The following SNED1 variants were observed in gnomAD, a reference collection of about 807,000 sequenced individuals.
SNED1 encodes the protein sushi, nidogen and EGF like domains 1.
In SNED1, 81 loss-of-function variants were observed where a neutral mutation model predicts 166.7. That is an observed-to-expected ratio of 0.49 (90% CI 0.41 to 0.58). SNED1 has a LOEUF of 0.58. Ranked by LOEUF, SNED1 falls within the 20% of genes least tolerant of loss-of-function variation. The probability of loss-of-function intolerance (pLI) is 0.00; values close to 1 mark genes in which losing one functional copy is unlikely to be tolerated. For synonymous variants in SNED1, 762 were observed against 822.0 expected (o/e 0.93, Z 1.25); for missense variants, 1,604 against 2,000.2 (o/e 0.80, Z 3.78).
chr2:241,018,246 C>T lies in SNED1; in HGVS notation c.214-12038C>T, dbSNP rs543112532. Among the ~76,000 whole-genome samples the T allele has an allele frequency of 5.3e-5, 8 of 152,326 alleles. No homozygotes were observed. The South Asian group carries it at 8.3e-4, about 16-fold the overall frequency. ...ACGTAACCCACAGGCGCTCAGATGA[C>T]GGGGAAGCTATGAATTCAAGTCAGC... On this transcript the variant is annotated intron_variant, in intron 1 of 31. Transcript: ENST00000310397. This position sits in a 1 kb window ranked among gnomAD's most constrained non-coding sequence, Gnocchi z 5.4.
chr2:241,071,457 T>C (rs2062711214), intron 24 of SNED1, 119 bp from the exon 25 acceptor site: 1 of 1,217,380 alleles, frequency 8.2e-7, no homozygotes. Context: ...CCCACGCACA[T>C]GCCCCCCTTC....
rs1247055344 is a variant in SNED1 at position 240,999,800 on chromosome 2, C to T, written c.213+750C>T. ...ACCCCAGGCCAAGCCCTTATGGCAG[C>T]CCAGGGAATGAAATGCACCTGGTAA... On this transcript the variant is annotated intron_variant, in intron 1 of 31. Coordinates refer to ENST00000310397, the MANE Select transcript of SNED1 (RefSeq NM_001080437.3). The surrounding 1 kb of genome is among the most constrained non-coding windows in gnomAD (Gnocchi z 5.8). 6.6e-6 allele frequency among the ~76,000 whole-genome samples: 1 copy of T among 152,158 alleles called. No individual in the cohort carries two copies. The highest frequency in any genetic ancestry group is 1.5e-5 in the Non-Finnish European group (1 of 68,012).
intron 1 of SNED1, among the ~76,000 whole-genome samples, chr2:241,028,900 A>C (rs1001274398): frequency 2.6e-5 from 4 of 151,896 alleles, no homozygotes; most frequent in Non-Finnish European, 5.9e-5. Flanking sequence ...GTGCCCGATT[A>C]TTTTTGGCTG....
intron 29 of SNED1, among the ~76,000 whole-genome samples, chr2:241,083,767 T>G (rs185120450): frequency 2.3e-4 from 35 of 152,314 alleles, no homozygotes; most frequent in Admixed American, 2.1e-3. Flanking sequence ...ATATTTCAAG[T>G]GACTTTCTAG....
At chr2:241,090,083 T>A in intron 31 of SNED1, 3 of 1,513,588 alleles carry the variant, frequency 2.0e-6, no homozygotes, top group Non-Finnish European at 2.7e-6. Context: ...TGTAACTTTT[T>A]TACTTTATAC....
At chr2:241,042,400 C>A (rs73110171) in intron 8 of SNED1, among the ~76,000 whole-genome samples, 3 of 152,094 alleles carry the variant, frequency 2.0e-5, no homozygotes, top group African/African-American at 7.2e-5. Context: ...CAAACTGATC[C>A]TAAGTCATTG....
chr2:241,019,987 G>A (rs1389069615), intron 1 of SNED1, among the ~76,000 whole-genome samples: 1 of 152,198 alleles, frequency 6.6e-6, no homozygotes, highest in Non-Finnish European at 1.5e-5. Flanking sequence ...CACAAACCCT[G>A]TTTCTGAAAC....
rs1489463341 is a variant in SNED1, at chr2:241,069,837, C to G, written c.3308-83C>G. The G allele has an allele frequency of 6.7e-7, 1 of 1,492,888 alleles. No individual in the cohort carries two copies. Among genetic ancestry groups the G allele is most frequent in the African/African-American group, 1.4e-5 (1 of 72,310 alleles). 92.5% of individuals were successfully genotyped at this position (1,492,888 alleles called of 1,614,324 possible). ...CTGGCTTCCAGCAAGGCTGCGGCAG[C>G]CCATGTCCGGTTCTCAAACCGTGTT... On this transcript the variant is annotated intron_variant, in intron 23 of 31. Transcript: ENST00000310397. This position sits in a 1 kb window ranked among gnomAD's most constrained non-coding sequence, Gnocchi z 4.9.
chr2:241,070,408 A>G (rs2062648719), intron 24 of SNED1, among the ~76,000 whole-genome samples: 1 of 152,244 alleles, frequency 6.6e-6, no homozygotes, highest in Admixed American at 6.5e-5. Flanking sequence ...AGGTGGCACC[A>G]ACAACTGGAA....
Position 241,037,198 on chromosome 2 carries a change from C to T in SNED1, c.932-42C>T, listed in dbSNP as rs543756651. ...GAGCCCTTAGAGAAAACTCCTCATC[C>T]GGGTTCCCGCCGCTGAGGCCTCAGC... On this transcript the variant is annotated intron_variant, in intron 5 of 31. Transcript: ENST00000310397. 292 of 1,496,642 alleles carry T rather than the reference C, an allele frequency of 2.0e-4. No homozygotes were observed. The African/African-American group carries it at 3.5e-3, about 18-fold the overall frequency. The allele number at this position is 1,496,642 out of a possible 1,614,324, so 92.7% of individuals were successfully genotyped here.
At chr2:241,090,040 T>C (rs749798814) in intron 31 of SNED1, 5 of 1,545,120 alleles carry the variant, frequency 3.2e-6, no homozygotes, top group Non-Finnish European at 4.4e-6. Context: ...AATAATAAAT[T>C]AGTCCTGCAA....
Position 241,071,647 on chromosome 2 carries a change from C to A in SNED1, c.3661C>A (p.Pro1221Thr). ...CCCTCGGGTGCTCAAGAACAGACCG[C>A]CCCCGGCGCGCCTGCCGGAGCTGCG... Reference protein sequence around the residue: ...HHPRVLKNRPPPARLPELRLL... With the variant: ...HHPRVLKNRPTPARLPELRLL... Residue 1221 changes from proline (P) to threonine (T), a missense_variant, in exon 25 of 32, where the codon CCC becomes ACC. Transcript: ENST00000310397. 1 of 1,574,260 alleles carries A rather than the reference C, an allele frequency of 6.4e-7. No homozygotes were observed. The highest frequency in any genetic ancestry group is 1.9e-4 in the Middle Eastern group (1 of 5,210).
In SNED1 at chr2:241,064,903, G is replaced by A. The variant is rs747497884; in HGVS notation, c.2659G>A (p.Gly887Ser). The change falls in exon 20 of 32, where the codon GGC becomes AGC. Residue 887 changes from glycine to serine, a missense_variant. By Grantham distance (56) the Gly-to-Ser change is moderately conservative. Transcript: ENST00000310397. The surrounding 1 kb of genome is among the most constrained non-coding windows in gnomAD (Gnocchi z 7.0). Reference sequence around the variant, plus strand: ...CCGTGGCTATTGCCTGGCCAGCAACGGCTCCCACAGCTGCACCTGCAAAGT... The same window carrying A: ...CCGTGGCTATTGCCTGGCCAGCAACAGCTCCCACAGCTGCACCTGCAAAGT... The part of the protein sequence containing the change: ...GGRGYCLASN[G>S]SHSCTCKVGY... 5.7e-6 allele frequency: 9 copies of A among 1,583,542 alleles called. No individual in the cohort carries two copies. The highest frequency in any genetic ancestry group is 2.7e-5 in the African/African-American group (2 of 72,734).
intron 16 of SNED1, among the ~76,000 whole-genome samples, chr2:241,057,695 A>C (rs1043979084): frequency 6.6e-5 from 10 of 152,126 alleles, no homozygotes; most frequent in Non-Finnish European, 1.0e-4. Context: ...AAAATTAAAA[A>C]TTAAGAAATA....
intron 1 of SNED1, among the ~76,000 whole-genome samples, chr2:241,008,497 G>A (rs1314808828): frequency 6.6e-6 from 1 of 152,202 alleles, no homozygotes; most frequent in Non-Finnish European, 1.5e-5. Context: ...GGTGGGGGTG[G>A]AAGCTCTGGG....
chr2:241,026,554 C>T (rs2060976626), intron 1 of SNED1, among the ~76,000 whole-genome samples: 2 of 152,070 alleles, frequency 1.3e-5, no homozygotes, highest in African/African-American at 4.8e-5. Flanking sequence ...CTTTTAGTTC[C>T]AGTTCATAAT....
Position 241,068,654 on chromosome 2 carries a change from G to A in SNED1, c.3195-257G>A, listed in dbSNP as rs1321962376. ...CTCTGGCCTCTCCCAGCTGAACACC[G>A]GCCCTCTGACCATACTGTAGCAGCC... On this transcript the variant is annotated intron_variant, in intron 22 of 31. Coordinates refer to ENST00000310397, the MANE Select transcript of SNED1 (RefSeq NM_001080437.3). This position sits in a 1 kb window ranked among gnomAD's most constrained non-coding sequence, Gnocchi z 5.3. 2.6e-5 allele frequency among the ~76,000 whole-genome samples: 4 copies of A among 151,916 alleles called. No individual in the cohort carries two copies. The highest frequency in any genetic ancestry group is 1.9e-4 in the East Asian group (1 of 5,170).
intron 1 of SNED1, among the ~76,000 whole-genome samples, chr2:241,004,733 T>G (rs567097241): frequency 1.3e-5 from 2 of 152,350 alleles, no homozygotes; most frequent in South Asian, 4.1e-4. Context: ...TTTGTTTGTT[T>G]GTTTTTTTGA....
At position 241,052,458 on chromosome 2, in the gene SNED1, G is replaced by A. The variant is rs57214830; in HGVS notation, c.2073G>A (p.Arg691=). The change falls in exon 15 of 32, where the codon CGG becomes CGA. Residue 691 remains arginine (R), a synonymous_variant. Coordinates refer to ENST00000310397, the MANE Select transcript of SNED1 (RefSeq NM_001080437.3). ...CHCQAGYMGR[R]CQAEVDCGPP... is the part of the protein sequence containing the mutation. Reference sequence around the variant, plus strand: ...GCCAAGCAGGGTACATGGGACGCCGGTGCCAGGCAGGTGAGAGGGTCAGGG... The same window carrying A: ...GCCAAGCAGGGTACATGGGACGCCGATGCCAGGCAGGTGAGAGGGTCAGGG... The A allele has an allele frequency of 0.18, 294,565 of 1,606,098 alleles. 29,209 individuals carry two copies. The highest frequency in any genetic ancestry group is 0.42 in the East Asian group (18,514 of 44,288).
Sources: allele counts gnomAD v4.1 joint callset (sites outside exome capture counted in the v4.1 genomes callset), GRCh38; gene constraint gnomAD v4.1.1; non-coding constraint Gnocchi (gnomAD v3.1); transcripts MANE v1.5; gene names NCBI Gene and HGNC (gene_info 2026-07-23, HGNC 2026-07-21).